Variants in CTNND2 observed in about 807,000 individuals in gnomAD.
The protein encoded by CTNND2 is catenin delta 2.
In CTNND2, 22 loss-of-function variants were observed where a neutral mutation model predicts 144.4. The observed-to-expected ratio is 0.15, with a 90% CI of 0.11 to 0.22. The LOEUF is 0.22. Ranked by LOEUF, CTNND2 falls within the 10% of genes least tolerant of loss-of-function variation. CTNND2 has a pLI of 1.00. For missense variants in CTNND2, 1,353 were observed against 1,618.8 expected (o/e 0.84, Z 2.82); for synonymous variants, 751 against 695.6 (o/e 1.08, Z -1.25).
chr5:10,996,136 CCT>C (rs1395552279), intron 18 of CTNND2, among the ~76,000 whole-genome samples: 1 of 152,126 alleles, frequency 6.6e-6, no homozygotes, highest in East Asian at 1.9e-4. Context: ...TCCGTGTGTG[CCT>C]CTCTCCAGCC....
Position 10,993,704 on chromosome 5 carries a change from CTGGGTAATATCTTT to C in CTNND2, c.3085-1041_3085-1028del, listed in dbSNP as rs1314608894. 1.1e-3 allele frequency among the ~76,000 whole-genome samples: 163 copies of C among 152,158 alleles called. 1 individual carries two copies. The highest frequency in any genetic ancestry group is 3.9e-3 in the African/African-American group (160 of 41,518). On this transcript the variant is annotated intron_variant, in intron 18 of 21. Coordinates refer to ENST00000304623, the MANE Select transcript of CTNND2 (RefSeq NM_001332.4). Reference sequence around the variant, plus strand: ...ACACAGTTAGCACCTAGTAAGTAAGCTGGGTAATATCTTTTAAAATCATGCACCTCTCATTCTGG... The same window carrying C: ...ACACAGTTAGCACCTAGTAAGTAAGCTAAAATCATGCACCTCTCATTCTGG...
intron 17 of CTNND2, among the ~76,000 whole-genome samples, chr5:11,019,292 C>A (rs1277370394): frequency 6.6e-6 from 1 of 152,072 alleles, no homozygotes; most frequent in Admixed American, 6.5e-5. Context: ...CTCATATAAT[C>A]GATGCTGAAC....
At chr5:11,105,644 AC>A (rs534882519) in intron 14 of CTNND2, among the ~76,000 whole-genome samples, 26 of 152,248 alleles carry the variant, frequency 1.7e-4, no homozygotes, top group Non-Finnish European at 3.8e-4. Context: ...CTATAAACTC[AC>A]TGAAACTAAA....
intron 1 of CTNND2, among the ~76,000 whole-genome samples, chr5:11,764,537 T>C (rs1002555509): frequency 1.3e-5 from 2 of 152,178 alleles, no homozygotes; most frequent in African/African-American, 4.8e-5. Flanking sequence ...GATGCTCATA[T>C]CCCTGGAGTC....
At chr5:11,171,302 A>G (rs1231564527) in intron 11 of CTNND2, among the ~76,000 whole-genome samples, 1 of 152,172 alleles carries the variant, frequency 6.6e-6, no homozygotes, top group African/African-American at 2.4e-5. Context: ...TGAGAGAGAG[A>G]GCTGGGGTAT....
At chr5:11,077,594 T>C (rs61750285) in intron 16 of CTNND2, among the ~76,000 whole-genome samples, 1,692 of 152,250 alleles carry the variant, frequency 0.011, 25 homozygotes, top group African/African-American at 0.039. Flanking sequence ...CTGCAAAGAC[T>C]TGATTTTACA....
chr5:11,125,571 T>C (rs895681077), intron 12 of CTNND2, among the ~76,000 whole-genome samples: 3 of 152,188 alleles, frequency 2.0e-5, no homozygotes, highest in Admixed American at 6.5e-5. Context: ...AAACGTTAGC[T>C]GAGCAGCTGC....
chr5:11,489,850 C>G (rs184750638), intron 3 of CTNND2, among the ~76,000 whole-genome samples: 1 of 152,122 alleles, frequency 6.6e-6, no homozygotes, highest in African/African-American at 2.4e-5. Context: ...GAAACAACAA[C>G]TTAGTGAATG....
chr5:11,547,233 A>C (rs2150078554), intron 3 of CTNND2, among the ~76,000 whole-genome samples: 1 of 151,344 alleles, frequency 6.6e-6, no homozygotes, highest in Non-Finnish European at 1.5e-5. Context: ...ACGCCACCGC[A>C]CTCTGGCCTG....
chr5:11,239,668 C>T (rs1474615771), intron 9 of CTNND2, among the ~76,000 whole-genome samples: 2 of 152,256 alleles, frequency 1.3e-5, no homozygotes, highest in African/African-American at 4.8e-5. Context: ...CTGCTGGGCT[C>T]GCCCACTCCT....
chr5:11,825,295 G>T (rs1385720836), intron 1 of CTNND2, among the ~76,000 whole-genome samples: 2 of 152,096 alleles, frequency 1.3e-5, no homozygotes, highest in African/African-American at 4.8e-5. Flanking sequence ...TATGAAAAAT[G>T]TGAAAATAAA....
intron 1 of CTNND2, among the ~76,000 whole-genome samples, chr5:11,887,361 T>G (rs1460124837): frequency 6.6e-6 from 1 of 152,112 alleles, no homozygotes; most frequent in Admixed American, 6.5e-5. Context: ...ATGACATAAC[T>G]GATAAAAATA....
At chr5:11,269,106 T>C (rs966922288) in intron 9 of CTNND2, among the ~76,000 whole-genome samples, 3 of 152,228 alleles carry the variant, frequency 2.0e-5, no homozygotes, top group African/African-American at 7.2e-5. Context: ...GCTTACTGAC[T>C]GTGAGACTGT....
chr5:11,277,156 C>G (rs1359136910), intron 9 of CTNND2, among the ~76,000 whole-genome samples: 1 of 151,082 alleles, frequency 6.6e-6, no homozygotes, highest in East Asian at 1.9e-4. Flanking sequence ...TTTTTTCTTT[C>G]CTAGAGCAGT....
chr5:11,156,026 A>T (rs1326537655), intron 12 of CTNND2, among the ~76,000 whole-genome samples: 1 of 152,082 alleles, frequency 6.6e-6, no homozygotes, highest in Non-Finnish European at 1.5e-5. Flanking sequence ...GGTGGTAGGG[A>T]ATGGGGTGGC....
At chr5:11,865,806 G>A (rs1795733258) in intron 1 of CTNND2, among the ~76,000 whole-genome samples, 1 of 150,082 alleles carries the variant, frequency 6.7e-6, no homozygotes, top group African/African-American at 2.4e-5. Flanking sequence ...TAGACGTAAT[G>A]TGGAAAGTAC....
At chr5:11,748,776 G>T (rs1277479722) in intron 1 of CTNND2, among the ~76,000 whole-genome samples, 3 of 152,010 alleles carry the variant, frequency 2.0e-5, no homozygotes, top group African/African-American at 4.8e-5. Context: ...TTGGGAGTAT[G>T]TGATAATTTT....
At chr5:11,244,489 T>C (rs1742793478) in intron 9 of CTNND2, among the ~76,000 whole-genome samples, 1 of 152,120 alleles carries the variant, frequency 6.6e-6, no homozygotes, top group African/African-American at 2.4e-5. Flanking sequence ...TTTGCCATAT[T>C]GGCCAGGCTG....
At chr5:11,722,955 A>T (rs1786771119) in intron 2 of CTNND2, among the ~76,000 whole-genome samples, 1 of 152,222 alleles carries the variant, frequency 6.6e-6, no homozygotes, top group Non-Finnish European at 1.5e-5. Flanking sequence ...ATATGACAAC[A>T]TCAAGAGTTT....
Sources: allele counts gnomAD v4.1 joint callset (sites outside exome capture counted in the v4.1 genomes callset), GRCh38; gene constraint gnomAD v4.1.1; transcripts MANE v1.5; gene names NCBI Gene and HGNC (gene_info 2026-07-23, HGNC 2026-07-21).